Variants in GLMN observed in about 807,000 individuals in gnomAD.
GLMN encodes the protein glomulin, FKBP associated protein, also known as glomulin.
GLMN carries 75 observed loss-of-function variants against 87.8 expected under a neutral mutation model. The ratio of observed to expected loss-of-function variants is 0.85; its 90% confidence interval spans 0.71 to 1.04. The LOEUF (loss-of-function observed/expected upper bound fraction) is 1.04. GLMN is among the 50% of genes least tolerant of loss of function. GLMN has a pLI of 0.00. For synonymous variants in GLMN, 206 were observed against 221.6 expected (o/e 0.93, Z 0.63); for missense variants, 588 against 658.8 (o/e 0.89, Z 1.18).
At chr1:92,331,197 C>T in the GLMN span, among the ~76,000 whole-genome samples, 4 of 152,152 alleles carry the variant, frequency 2.6e-5, no homozygotes, top group African/African-American at 9.6e-5. Context: ...CACTATGGAG[C>T]AACCTTTCTA....
chr1:92,259,325 A>G (rs942448583), intron 16 of GLMN, among the ~76,000 whole-genome samples: 1 of 152,212 alleles, frequency 6.6e-6, no homozygotes, highest in Admixed American at 6.5e-5. Context: ...ACCAGTAAAG[A>G]TGGGAGCATG....
At chr1:92,356,538 C>T in the GLMN span, among the ~76,000 whole-genome samples, 1 of 151,158 alleles carries the variant, frequency 6.6e-6, no homozygotes, top group Admixed American at 6.6e-5. Context: ...CCTGCCTCAG[C>T]CTTCCAAGTA....
In GLMN at chr1:92,247,929, C is replaced by T; in HGVS notation, c.1534G>A (p.Gly512Arg). The part of the protein sequence containing the change: ...ENNFLKPLHI[G>R]LNMSKAHYEA... ...TAATGTGCTTTTGACATATTAAGTC[C>T]TATATGAAGTGGCTTTAAGAAATTA... Residue 512 changes from glycine to arginine, a missense_variant, in exon 17 of 19, where the codon GGA becomes AGA. Transcript: ENST00000370360. The T allele has an allele frequency of 7.0e-7, 1 of 1,429,052 alleles. No homozygotes were observed. Among genetic ancestry groups the T allele is most frequent in the East Asian group, 2.3e-5 (1 of 43,870 alleles). 88.5% of individuals were successfully genotyped at this position (1,429,052 alleles called of 1,614,324 possible). A position where few individuals can be genotyped will look rare whatever the true frequency, so the allele number is the denominator to read the frequency against.
chr1:92,249,311 G>T (rs1653129336), intron 16 of GLMN, among the ~76,000 whole-genome samples: 1 of 142,008 alleles, frequency 7.0e-6, no homozygotes, highest in Non-Finnish European at 1.5e-5. Flanking sequence ...TTTAAATAAT[G>T]GATGTTTTAG....
chr1:92,298,500 G>C (rs1006604490), intron 1 of GLMN, among the ~76,000 whole-genome samples: 2 of 152,078 alleles, frequency 1.3e-5, no homozygotes. Flanking sequence ...CAAAAATTGG[G>C]GTGCAACACA....
chr1:92,291,386 A>T (rs781553890), intron 4 of GLMN, 32 bp downstream of exon 4: 1 of 1,516,680 alleles, frequency 6.6e-7, no homozygotes, highest in Non-Finnish European at 9.2e-7. Context: ...GCTGTGTGTT[A>T]TGATAAAGAG....
the GLMN span, among the ~76,000 whole-genome samples, chr1:92,333,958 G>A: frequency 2.0e-5 from 3 of 152,128 alleles, no homozygotes; most frequent in South Asian, 2.1e-4. Context: ...TAAACTTCCC[G>A]TGGTGGAAAT....
At chr1:92,367,866 C>T in the GLMN span, among the ~76,000 whole-genome samples, 1 of 152,134 alleles carries the variant, frequency 6.6e-6, no homozygotes, top group African/African-American at 2.4e-5. Context: ...TTTGATTTTG[C>T]AAATTTGGAA....
the GLMN span, among the ~76,000 whole-genome samples, chr1:92,307,026 A>G: frequency 3.9e-5 from 6 of 152,296 alleles, no homozygotes; most frequent in South Asian, 1.0e-3. Flanking sequence ...AGGGGCACAT[A>G]GAGGCCTTCA....
chr1:92,348,307 C>T, the GLMN span, among the ~76,000 whole-genome samples: 1 of 152,234 alleles, frequency 6.6e-6, no homozygotes, highest in African/African-American at 2.4e-5. Context: ...CCTTCCTTCT[C>T]CTAGTCATTG....
chr1:92,310,836 G>A, the GLMN span, among the ~76,000 whole-genome samples: 8 of 152,132 alleles, frequency 5.3e-5, no homozygotes, highest in African/African-American at 1.9e-4. Context: ...GGCAGAGGTT[G>A]CAGTGAGCCG....
intron 9 of GLMN, among the ~76,000 whole-genome samples, chr1:92,269,347 T>C (rs576311458): frequency 1.3e-5 from 2 of 152,194 alleles, no homozygotes; most frequent in Non-Finnish European, 2.9e-5. Flanking sequence ...ATTCACAGAC[T>C]GTGTCCATGA....
the GLMN span, among the ~76,000 whole-genome samples, chr1:92,327,211 A>G: frequency 2.0e-5 from 3 of 152,194 alleles, no homozygotes; most frequent in Non-Finnish European, 4.4e-5. Context: ...CCTAGTGATC[A>G]TTCAGGAACA....
chr1:92,324,806 TG>T, the GLMN span, among the ~76,000 whole-genome samples: 1 of 152,172 alleles, frequency 6.6e-6, no homozygotes, highest in African/African-American at 2.4e-5. Context: ...TTAGCAAGCA[TG>T]TCCATTGAAA....
intron 16 of GLMN, among the ~76,000 whole-genome samples, chr1:92,253,793 G>C (rs946542907): frequency 6.6e-6 from 1 of 152,194 alleles, no homozygotes; most frequent in African/African-American, 2.4e-5. Context: ...ACCAAAGGTA[G>C]AAATCCACGA....
At chr1:92,285,633 C>T (rs1315856702) in intron 7 of GLMN, among the ~76,000 whole-genome samples, 5 of 152,014 alleles carry the variant, frequency 3.3e-5, no homozygotes, top group Non-Finnish European at 7.4e-5. Flanking sequence ...AATCACCTTA[C>T]ATACATGCTC....
the GLMN span, chr1:92,336,379 C>T: frequency 1.9e-6 from 3 of 1,611,002 alleles, no homozygotes; most frequent in African/African-American, 1.3e-5. Context: ...CTTCAGATTA[C>T]ATTGGGAGAT....
chr1:92,269,809 TAC>T (rs375123476), intron 8 of GLMN, 33 bp from the exon 9 acceptor site: 54 of 1,270,404 alleles, frequency 4.3e-5, no homozygotes, highest in Non-Finnish European at 5.3e-5. Flanking sequence ...ATATATATTA[TAC>T]ACACACACAG....
the GLMN span, chr1:92,333,521 T>A: frequency 7.7e-7 from 1 of 1,306,800 alleles, no homozygotes; most frequent in East Asian, 2.3e-5. Context: ...TTAAATTAAC[T>A]TGACATTTAA....
Sources: gnomAD v4.1 joint callset for allele counts (sites outside exome capture counted in the v4.1 genomes callset) on GRCh38, gnomAD v4.1.1 for gene constraint, MANE v1.5 for transcripts, NCBI Gene and HGNC (gene_info 2026-07-23, HGNC 2026-07-21) for gene names.